C2: variants seen among roughly 807,000 people sequenced by gnomAD.
C2 encodes complement C2, also known as C3/C5 convertase.
In C2, 64 loss-of-function variants were observed where a neutral mutation model predicts 85.2. The ratio of observed to expected loss-of-function variants is 0.75; its 90% CI spans 0.61 to 0.92. The LOEUF is 0.92. C2 is among the 40% of genes least tolerant of loss of function. The pLI is 0.00. For missense variants in C2, 820 were observed against 971.6 expected, an observed-to-expected ratio of 0.84 and a Z score of 2.07; for synonymous variants, 311 against 370.8, an observed-to-expected ratio of 0.84 and a Z score of 1.85.
At chr6:31,933,028 A>G (rs1314054734) in intron 3 of C2, among the ~76,000 whole-genome samples, 2 of 152,214 alleles carry the variant, frequency 1.3e-5, no homozygotes, top group Non-Finnish European at 2.9e-5. Flanking sequence ...AGGCAGGAGA[A>G]TCAGGCAGGG....
At chr6:31,940,989 G>A (rs1424329401) in intron 9 of C2, among the ~76,000 whole-genome samples, 1 of 152,204 alleles carries the variant, frequency 6.6e-6, no homozygotes, top group Admixed American at 6.5e-5. Context: ...GTCTGTCTGA[G>A]GGCAGTTCTG....
chr6:31,914,423 T>G (rs1489844941), intron 1 of C2, among the ~76,000 whole-genome samples: 1 of 148,514 alleles, frequency 6.7e-6, no homozygotes, highest in African/African-American at 2.5e-5. Flanking sequence ...AAACCCCATC[T>G]CTACTAAAAA....
At chr6:31,939,510 C>CTT (rs896123643) in intron 9 of C2, among the ~76,000 whole-genome samples, 190 bp downstream of exon 9, 67 of 126,408 alleles carry the variant, frequency 5.3e-4, no homozygotes, top group Non-Finnish European at 5.1e-4. Context: ...ACCTTACCTT[C>CTT]TTTTTTTTTT....
intron 8 of C2, among the ~76,000 whole-genome samples, chr6:31,938,481 C>CATACAT (rs1770615399): frequency 7.0e-6 from 1 of 142,992 alleles, no homozygotes; most frequent in African/African-American, 2.6e-5. Flanking sequence ...TGTATACATA[C>CATACAT]ATATATATAT....
upstream of C2, among the ~76,000 whole-genome samples, chr6:31,917,732 C>T (rs1451624533): frequency 2.0e-5 from 3 of 151,570 alleles, no homozygotes; most frequent in Non-Finnish European, 1.5e-5. Context: ...ATGGTGAAAC[C>T]CCGTCTCTAC....
upstream of C2, chr6:31,897,965 T>A (rs1450854336): frequency 5.0e-6 from 5 of 996,594 alleles, no homozygotes; most frequent in South Asian, 2.4e-4. Context: ...GCTTCTGAAC[T>A]TCTCGGCTCT....
At chr6:31,924,137 CTTATT>C (rs1244230973), upstream of C2, among the ~76,000 whole-genome samples, 1 of 152,174 alleles carries the variant, frequency 6.6e-6, no homozygotes, top group Non-Finnish European at 1.5e-5. Context: ...AAAATTCTAT[CTTATT>C]TAAGTTACTG....
upstream of C2, among the ~76,000 whole-genome samples, chr6:31,925,047 G>C (rs1273033426): frequency 2.0e-5 from 3 of 152,164 alleles, no homozygotes; most frequent in African/African-American, 4.8e-5. Context: ...CATGCTATGA[G>C]GGCTAGGGAG....
intron 6 of C2, chr6:31,934,632 C>T: frequency 1.5e-6 from 2 of 1,361,434 alleles, no homozygotes; most frequent in South Asian, 4.0e-5. Context: ...TACTGGTGCC[C>T]CTGTGGAATA....
chr6:31,941,937 C>G (rs1770919370), intron 9 of C2, among the ~76,000 whole-genome samples: 1 of 150,814 alleles, frequency 6.6e-6, no homozygotes, highest in South Asian at 2.1e-4. Flanking sequence ...CCTGCCTCAG[C>G]CTCCTGAGTA....
Position 31,945,539 on chromosome 6 carries a change from A to C in C2, c.*182A>C, listed in dbSNP as rs1393660163. 1.5e-6 allele frequency: 1 copy of C among 651,794 alleles called. No individual in the cohort carries two copies. Among genetic ancestry groups the C allele is most frequent in the East Asian group, 2.7e-5 (1 of 36,618 alleles). 40.4% of individuals were successfully genotyped at this position (651,794 alleles called of 1,614,324 possible). On this transcript the variant is annotated 3_prime_UTR_variant, in exon 18 of 18. Transcript: ENST00000299367. The surrounding 1 kb of genome is among the most constrained non-coding windows in gnomAD (Gnocchi z 5.3). ...AATCCTCAGGGCTCCTACCAGCAGG[A>C]CTGCCTCGCTGCCCCACCTCCCGCT... is the stretch of plus-strand genomic sequence containing the variant.
Position 31,944,678 on chromosome 6 carries a change from C to G in C2, c.1903-49C>G, listed in dbSNP as rs1056825373. ...TTACAGGCGTGAGCCACTGCACCCA[C>G]CCGGGTCTGCTTATTCTACCCTTCT... On this transcript the variant is annotated intron_variant, in intron 15 of 17. Coordinates refer to ENST00000299367, the MANE Select transcript of C2 (RefSeq NM_000063.6). The surrounding 1 kb of genome is among the most constrained non-coding windows in gnomAD (Gnocchi z 5.1). The G allele has an allele frequency of 1.2e-6, 2 of 1,611,220 alleles. No individual in the cohort carries two copies. Among genetic ancestry groups the G allele is most frequent in the Admixed American group, 1.7e-5 (1 of 60,026 alleles).
In C2 at chr6:31,902,756, C is replaced by T. The variant is rs141424343; in HGVS notation, c.73+1617C>T. The stretch of plus-strand genomic sequence containing the variant: ...TGTCAGTCCTTTAAAATCACACCCG[C>T]CCTCCCCTCCATTCTCAGGATTGAT... On this transcript the variant is annotated intron_variant, in intron 1 of 3. Coordinates refer to the C2 transcript ENST00000452202. Among the ~76,000 whole-genome samples, 213 of 152,170 alleles carry T rather than the reference C, an allele frequency of 1.4e-3. 2 individuals are homozygous for T. Among genetic ancestry groups the T allele is most frequent in the African/African-American group, 4.4e-3 (183 of 41,486 alleles).
intron 1 of C2, among the ~76,000 whole-genome samples, chr6:31,902,685 T>A (rs1240417216): frequency 6.6e-6 from 1 of 152,182 alleles, no homozygotes; most frequent in African/African-American, 2.4e-5. Context: ...GATTTCACTT[T>A]CCACAAAGCC....
chr6:31,937,263 C>T, intron 7 of C2, 56 bp from the exon 8 acceptor site: 1 of 1,590,432 alleles, frequency 6.3e-7, no homozygotes, highest in Non-Finnish European at 8.6e-7. Context: ...GATTCCCTAC[C>T]CCTAGGTGGT....
intron 3 of C2, among the ~76,000 whole-genome samples, chr6:31,932,691 G>A (rs1265912): frequency 0.051 from 7,507 of 146,018 alleles, 230 homozygotes; most frequent in African/African-American, 0.075. Context: ...AGGCGGAGAC[G>A]CTCCTCACTT....
At chr6:31,911,930 C>CTTTT (rs70990289) in intron 1 of C2, among the ~76,000 whole-genome samples, 3 of 122,922 alleles carry the variant, frequency 2.4e-5, no homozygotes, top group Non-Finnish European at 4.9e-5. Flanking sequence ...ATGTCTGGCC[C>CTTTT]TTTTTTTTTT....
At chr6:31,905,658 G>C (rs1485028141) in intron 1 of C2, among the ~76,000 whole-genome samples, 2 of 151,984 alleles carry the variant, frequency 1.3e-5, no homozygotes, top group Non-Finnish European at 2.9e-5. Flanking sequence ...AATAAAATTT[G>C]ACTAGGGATG....
At chr6:31,909,618 T>C (rs371680586) in intron 1 of C2, among the ~76,000 whole-genome samples, 2 of 151,270 alleles carry the variant, frequency 1.3e-5, no homozygotes, top group Non-Finnish European at 2.9e-5. Context: ...TTTTTTTTTG[T>C]AGAGATGAAG....
Sources: allele counts gnomAD v4.1 joint callset (sites outside exome capture counted in the v4.1 genomes callset), GRCh38; gene constraint gnomAD v4.1.1; non-coding constraint Gnocchi (gnomAD v3.1); transcripts MANE v1.5; gene names NCBI Gene and HGNC (gene_info 2026-07-23, HGNC 2026-07-21).